COBL: variants seen among roughly 807,000 people sequenced by gnomAD.
The protein encoded by COBL is cordon-bleu WH2 repeat protein.
Under a neutral mutation model 98.8 loss-of-function variants are expected in COBL, and 51 were observed. That is an observed-to-expected ratio of 0.52 (90% CI 0.41 to 0.65). The LOEUF (loss-of-function observed/expected upper bound fraction) is 0.65. Among genes scored for constraint, COBL ranks in the 30% least tolerant of loss-of-function variants. COBL has a pLI of 0.00. For synonymous variants in COBL, 634 were observed against 651.7 expected (o/e 0.97, Z 0.41); for missense variants, 1,617 against 1,617.5 (o/e 1.00, Z 0.01).
At chr7:51,082,208 C>T (rs567183159) in intron 7 of COBL, among the ~76,000 whole-genome samples, 3 of 152,262 alleles carry the variant, frequency 2.0e-5, no homozygotes, top group East Asian at 3.9e-4. Flanking sequence ...TGTGCACACT[C>T]ATGTGGGCAC....
At chr7:51,273,587 G>A (rs1303022255) in intron 1 of COBL, among the ~76,000 whole-genome samples, 3 of 152,128 alleles carry the variant, frequency 2.0e-5, no homozygotes, top group Non-Finnish European at 4.4e-5. Context: ...TGCTTCTGCC[G>A]TTAGACTGAA....
At chr7:51,137,149 C>T (rs746040786) in intron 5 of COBL, among the ~76,000 whole-genome samples, 2 of 152,152 alleles carry the variant, frequency 1.3e-5, no homozygotes, top group African/African-American at 2.4e-5. Context: ...TCTCTCCTAG[C>T]CCTGGCAGAT....
At chr7:51,225,776 G>C (rs1436480652) in intron 1 of COBL, among the ~76,000 whole-genome samples, 1 of 152,146 alleles carries the variant, frequency 6.6e-6, no homozygotes, top group Admixed American at 6.5e-5. Flanking sequence ...TTTTTATTCT[G>C]AGAGCTCTTC....
At chr7:51,067,386 C>T (rs1450953531) in intron 7 of COBL, among the ~76,000 whole-genome samples, 3 of 152,208 alleles carry the variant, frequency 2.0e-5, no homozygotes, top group South Asian at 2.1e-4. Context: ...ATATTTTGTA[C>T]ACACTTGTGT....
chr7:51,264,460 G>A (rs1469677001), intron 1 of COBL, among the ~76,000 whole-genome samples: 1 of 151,954 alleles, frequency 6.6e-6, no homozygotes, highest in African/African-American at 2.4e-5. Context: ...CACCTGAGGT[G>A]AGGAGTTCGA....
intron 1 of COBL, among the ~76,000 whole-genome samples, chr7:51,252,568 T>A (rs1796821152): frequency 6.6e-6 from 1 of 152,226 alleles, no homozygotes; most frequent in Non-Finnish European, 1.5e-5. Flanking sequence ...CTGCAGCTGT[T>A]TTGAAAAAGA....
Position 51,029,017 on chromosome 7 carries a change from T to A in COBL, c.2079A>T (p.Gln693His). 14 of 1,614,200 alleles carry A rather than the reference T, an allele frequency of 8.7e-6. No homozygotes were observed. The highest frequency in any genetic ancestry group is 1.2e-5 in the Non-Finnish European group (14 of 1,180,036). ...LAPTSWHQRGQNPGKSYRLKH... is the reference protein window; with the variant it reads ...LAPTSWHQRGHNPGKSYRLKH... ...TAAGTCTGTAGCTTTTCCCTGGGTT[T>A]TGGCCTCGTTGGTGCCATGATGTTG... is the stretch of plus-strand genomic sequence containing the variant. Residue 693 changes from glutamine to histidine, a missense_variant, in exon 10 of 13, where the codon CAA becomes CAT. Gln to His is a conservative substitution (Grantham distance 24). This residue lies in a region of COBL where 1,304 missense variants were observed against 1,282.0 expected (regional missense o/e 1.02). Transcript: ENST00000265136.
intron 5 of COBL, among the ~76,000 whole-genome samples, chr7:51,141,866 T>C (rs1799783881): frequency 6.6e-6 from 1 of 152,178 alleles, no homozygotes; most frequent in Admixed American, 6.5e-5. Flanking sequence ...CTGCTTCTCA[T>C]CTGTGGTGGC....
chr7:51,169,669 CAG>C lies in COBL; in HGVS notation c.783+14431_783+14432del, dbSNP rs67504069. ...AAGTCAAAGTGACTGAACTCATTGA[CAG>C]AGAGTAGAAGGATGGCACAGGTAGT... is the stretch of plus-strand genomic sequence containing the variant. On this transcript the variant is annotated intron_variant, in intron 5 of 12. Coordinates refer to ENST00000265136, the MANE Select transcript of COBL (RefSeq NM_015198.5). Among the ~76,000 whole-genome samples, 1,469 of 152,176 alleles carry C rather than the reference CAG, an allele frequency of 9.7e-3. 20 individuals carry two copies. The highest frequency in any genetic ancestry group is 0.033 in the African/African-American group (1,388 of 41,502).
At chr7:51,285,185 T>G (rs1800228097) in intron 1 of COBL, among the ~76,000 whole-genome samples, 2 of 152,066 alleles carry the variant, frequency 1.3e-5, no homozygotes, top group South Asian at 4.1e-4. Flanking sequence ...GACCTCGTGA[T>G]CCACCCGCCT....
intron 11 of COBL, 42 bp downstream of exon 11, chr7:51,026,504 G>A (rs372217698): frequency 3.3e-5 from 53 of 1,605,680 alleles, no homozygotes; most frequent in Non-Finnish European, 4.3e-5. Context: ...GGGGTGGGTG[G>A]GTTTGAGCTC....
intron 5 of COBL, among the ~76,000 whole-genome samples, chr7:51,158,588 G>A (rs997067462): frequency 1.3e-5 from 2 of 152,192 alleles, no homozygotes; most frequent in Non-Finnish European, 2.9e-5. Flanking sequence ...CAGTCTCCAG[G>A]GTAGAGGACG....
intron 2 of COBL, among the ~76,000 whole-genome samples, chr7:51,201,239 CAAAAAAA>C (rs1157303332): frequency 1.7e-5 from 1 of 57,874 alleles, no homozygotes; most frequent in African/African-American, 5.9e-5. Flanking sequence ...GACTCCGTCT[CAAAAAAA>C]AAAAAAAAAA....
chr7:51,080,951 G>C (rs1317674218), intron 7 of COBL, among the ~76,000 whole-genome samples: 1 of 152,176 alleles, frequency 6.6e-6, no homozygotes, highest in African/African-American at 2.4e-5. Context: ...AGTCCTGAAG[G>C]CAAGTTGCAT....
intron 6 of COBL, among the ~76,000 whole-genome samples, chr7:51,103,792 G>C (rs959364427): frequency 1.3e-5 from 2 of 152,168 alleles, no homozygotes; most frequent in Non-Finnish European, 2.9e-5. Context: ...CTCATCCATG[G>C]AGAATCTGGC....
chr7:51,315,036 C>T (rs570412809), intron 1 of COBL, among the ~76,000 whole-genome samples: 3 of 152,188 alleles, frequency 2.0e-5, no homozygotes, highest in East Asian at 3.9e-4. Flanking sequence ...TTCTCTCTGT[C>T]TTCATATTTA....
chr7:51,299,192 A>T (rs1006894600), intron 1 of COBL, among the ~76,000 whole-genome samples: 3 of 151,018 alleles, frequency 2.0e-5, no homozygotes, highest in Non-Finnish European at 4.4e-5. Context: ...ACACACACAC[A>T]CTCCTCCAGG....
At position 51,083,454 on chromosome 7, in the gene COBL, T is replaced by A. The variant is rs186590030; in HGVS notation, c.1096+1712A>T. Reference sequence around the variant, plus strand: ...AACATTTTACATACGTAGTGTTCTATCATTGGAGCAGTTTGGAAAGATGTG... The same window carrying A: ...AACATTTTACATACGTAGTGTTCTAACATTGGAGCAGTTTGGAAAGATGTG... On this transcript the variant is annotated intron_variant, in intron 7 of 12. Coordinates refer to ENST00000265136, the MANE Select transcript of COBL (RefSeq NM_015198.5). Among the ~76,000 whole-genome samples the A allele has an allele frequency of 1.2e-3, 183 of 152,300 alleles. 2 individuals are homozygous for A. Among genetic ancestry groups the A allele is most frequent in the Non-Finnish European group, 1.7e-3 (119 of 68,016 alleles).
At chr7:51,109,026 C>G (rs958838198) in intron 6 of COBL, among the ~76,000 whole-genome samples, 2 of 152,136 alleles carry the variant, frequency 1.3e-5, no homozygotes, top group Non-Finnish European at 2.9e-5. Flanking sequence ...GTCTCGGTCA[C>G]CCCACCTTCC....
Sources: allele counts gnomAD v4.1 joint callset (sites outside exome capture counted in the v4.1 genomes callset), GRCh38; gene constraint gnomAD v4.1.1; regional missense constraint gnomAD v4.1.1; transcripts MANE v1.5; gene names NCBI Gene and HGNC (gene_info 2026-07-23, HGNC 2026-07-21).